The following ESYT3 variants were observed in gnomAD, a reference collection of about 807,000 sequenced individuals.
The protein encoded by ESYT3 is extended synaptotagmin 3.
A neutral mutation model predicts 111.5 loss-of-function variants in ESYT3; 101 were observed. The ratio of observed to expected loss-of-function variants is 0.91; its 90% CI spans 0.77 to 1.07. ESYT3 has a LOEUF of 1.07. ESYT3 is among the 50% of genes least tolerant of loss of function. ESYT3 has a pLI of 0.00. For synonymous variants in ESYT3, 416 were observed against 446.8 expected, an observed-to-expected ratio of 0.93 and a Z score of 0.87; for missense variants, 1,097 against 1,109.4, an observed-to-expected ratio of 0.99 and a Z score of 0.16.
At chr3:138,450,665 T>C (rs528302833) in intron 1 of ESYT3, among the ~76,000 whole-genome samples, 1 of 152,320 alleles carries the variant, frequency 6.6e-6, no homozygotes, top group Admixed American at 6.5e-5. Flanking sequence ...TTAAAAACTG[T>C]TCCGGGAGAA....
chr3:138,461,401 G>A (rs2032631898), intron 7 of ESYT3, among the ~76,000 whole-genome samples: 1 of 152,124 alleles, frequency 6.6e-6, no homozygotes, highest in African/African-American at 2.4e-5. Context: ...CATGAGAGGA[G>A]CAGAGAAAGG....
intron 7 of ESYT3, among the ~76,000 whole-genome samples, chr3:138,461,294 A>G (rs1239602101): frequency 6.6e-6 from 1 of 152,172 alleles, no homozygotes; most frequent in Non-Finnish European, 1.5e-5. Context: ...TAGGCATGGA[A>G]GGGGCACTGT....
chr3:138,457,237 C>T (rs547867169), intron 3 of ESYT3, among the ~76,000 whole-genome samples: 113 of 152,346 alleles, frequency 7.4e-4, no homozygotes, highest in Non-Finnish European at 1.3e-3. Context: ...TGCTGTGGGG[C>T]CAGTGACTTG....
chr3:138,447,615 A>G (rs2031630793), intron 1 of ESYT3, among the ~76,000 whole-genome samples: 1 of 152,246 alleles, frequency 6.6e-6, no homozygotes, highest in South Asian at 2.1e-4. Flanking sequence ...GATTTAAATC[A>G]AAGAAAAAGA....
chr3:138,452,129 C>G, intron 2 of ESYT3, 40 bp downstream of exon 2: 1 of 1,592,914 alleles, frequency 6.3e-7, no homozygotes, highest in Non-Finnish European at 8.5e-7. Flanking sequence ...CGGACGCATG[C>G]CAGCCTCGTC....
Position 138,477,115 on chromosome 3 carries a change from C to G in ESYT3, c.*261C>G, listed in dbSNP as rs952690295. ...TCCAGAAAGAAATGTTATATTTGTG[C>G]CTACTAAATTATCCAAACCTCAGTG... On this transcript the variant is annotated 3_prime_UTR_variant, in exon 23 of 23. Transcript: ENST00000389567. 1 of 361,594 alleles carries G rather than the reference C, an allele frequency of 2.8e-6. No individual in the cohort carries two copies. The highest frequency in any genetic ancestry group is 2.1e-5 in the African/African-American group (1 of 46,968). 22.4% of individuals were successfully genotyped at this position (361,594 alleles called of 1,614,324 possible). A position where few individuals can be genotyped will look rare whatever the true frequency, so the allele number is the denominator to read the frequency against.
intron 8 of ESYT3, chr3:138,462,508 G>A: frequency 2.0e-6 from 1 of 508,148 alleles, no homozygotes; most frequent in Non-Finnish European, 3.5e-6. Flanking sequence ...CCATTTTTAG[G>A]GTTTTATACC....
rs774018318 is a variant in ESYT3, at chr3:138,464,495, A to G, written c.1066A>G (p.Thr356Ala). The G allele has an allele frequency of 1.2e-6, 2 of 1,614,026 alleles. No homozygotes were observed. The highest frequency in any genetic ancestry group is 2.2e-5 in the East Asian group (1 of 44,858). Residue 356 changes from threonine to alanine, a missense_variant, in exon 9 of 23, where the codon ACC becomes GCC. Physicochemically the swap from Thr to Ala is moderately conservative, Grantham distance 58 (BLOSUM62 0). Transcript: ENST00000389567. ...SRTIYRNLNP[T>A]WNEVFEFMVY... ...GACCATCTACAGGAACCTGAACCCC[A>G]CCTGGAACGAAGTGTTTGAGGTAAG...
At chr3:138,447,324 G>T (rs1467588457) in intron 1 of ESYT3, among the ~76,000 whole-genome samples, 1 of 152,126 alleles carries the variant, frequency 6.6e-6, no homozygotes, top group Non-Finnish European at 1.5e-5. Context: ...CCTACAGACT[G>T]TTCAGGCCAC....
chr3:138,470,037 A>T, intron 15 of ESYT3, 23 bp from the exon 16 acceptor site: 1 of 1,602,598 alleles, frequency 6.2e-7, no homozygotes, highest in Non-Finnish European at 8.5e-7. Context: ...CCCTTCAATG[A>T]TCTCTCCCTC....
At chr3:138,476,529 C>CTATTCAA (rs1384638371) in intron 22 of ESYT3, 37 bp downstream of exon 22, 2 of 1,598,186 alleles carry the variant, frequency 1.3e-6, no homozygotes, top group Non-Finnish European at 1.7e-6. Context: ...TGTTATCCTG[C>CTATTCAA]TATTCAAGAC....
rs911799575 is a variant in ESYT3 at position 138,459,040 on chromosome 3, C to T, written c.582-147C>T. 4 of 546,484 alleles carry T rather than the reference C, an allele frequency of 7.3e-6. No individual in the cohort carries two copies. In the Admixed American group the frequency reaches 1.1e-4, roughly 16 times the overall value. The allele number at this position is 546,484 out of a possible 1,614,324, so 33.9% of individuals were successfully genotyped here. Reference sequence around the variant, plus strand: ...GCAGAGCTGAGAAAGGCTGAGGCTACTAGGCCATGTGCCCAGTGCATAGAG... The same window carrying T: ...GCAGAGCTGAGAAAGGCTGAGGCTATTAGGCCATGTGCCCAGTGCATAGAG... On this transcript the variant is annotated intron_variant, in intron 4 of 22. Transcript: ENST00000389567.
intron 9 of ESYT3, 83 bp downstream of exon 9, chr3:138,464,598 G>A: frequency 6.9e-7 from 1 of 1,449,682 alleles, no homozygotes; most frequent in Non-Finnish European, 9.6e-7. Context: ...TAGGCAGGGA[G>A]TGGGCCTTGG....
intron 19 of ESYT3, 68 bp from the exon 20 acceptor site, chr3:138,474,153 T>C: frequency 5.7e-6 from 9 of 1,573,710 alleles, no homozygotes; most frequent in Non-Finnish European, 7.7e-6. Context: ...ACTGAAACTC[T>C]CAAATGTTCA....
At chr3:138,445,863 G>A (rs947921476) in intron 1 of ESYT3, among the ~76,000 whole-genome samples, 4 of 152,160 alleles carry the variant, frequency 2.6e-5, no homozygotes, top group African/African-American at 9.7e-5. Flanking sequence ...TTAGAGAGGT[G>A]GAATTTGAAA....
At chr3:138,464,288 C>T (rs923890695) in intron 8 of ESYT3, 57 bp from the exon 9 acceptor site, 3 of 1,591,280 alleles carry the variant, frequency 1.9e-6, no homozygotes, top group Middle Eastern at 3.6e-4. Context: ...CTCTGATACT[C>T]CAGGACTTGG....
At position 138,476,916 on chromosome 3, in the gene ESYT3, C is replaced by T; in HGVS notation, c.*62C>T. 7.6e-7 allele frequency: 1 copy of T among 1,315,494 alleles called. No homozygotes were observed. Among genetic ancestry groups the T allele is most frequent in the Non-Finnish European group, 1.1e-6 (1 of 947,660 alleles). The allele number at this position is 1,315,494 out of a possible 1,614,324, so 81.5% of individuals were successfully genotyped here. On this transcript the variant is annotated 3_prime_UTR_variant, in exon 23 of 23. Transcript: ENST00000389567. ...TGTATATATATGTATATATTTTTTC[C>T]TTTGGATCACTTACATCCAATATAT...
intron 18 of ESYT3, 81 bp downstream of exon 18, chr3:138,472,940 T>TA (rs1203512816): frequency 6.6e-7 from 1 of 1,526,512 alleles, no homozygotes; most frequent in African/African-American, 1.4e-5. Flanking sequence ...GATATGAACT[T>TA]ACATTTCTGT....
At chr3:138,464,838 A>G (rs2032842522) in intron 9 of ESYT3, among the ~76,000 whole-genome samples, 1 of 152,174 alleles carries the variant, frequency 6.6e-6, no homozygotes, top group Non-Finnish European at 1.5e-5. Flanking sequence ...GTTATTCCTT[A>G]AGTTCAACCA....
Sources: gnomAD v4.1 joint callset for allele counts (sites outside exome capture counted in the v4.1 genomes callset) on GRCh38, gnomAD v4.1.1 for gene constraint, MANE v1.5 for transcripts, NCBI Gene and HGNC (gene_info 2026-07-23, HGNC 2026-07-21) for gene names.